The following EYS variants were observed in gnomAD, a reference collection of about 807,000 sequenced individuals.
EYS encodes protein eyes shut homolog.
Under a neutral mutation model 282.1 loss-of-function variants are expected in EYS, and 250 were observed. That is an observed-to-expected ratio of 0.89 (90% CI 0.80 to 0.98). The LOEUF is 0.98. EYS is among the 50% of genes least tolerant of loss of function. The pLI is 0.00. For synonymous variants in EYS, 1,355 were observed against 1,282.9 expected (o/e 1.06, Z -1.20); for missense variants, 4,016 against 3,709.0 (o/e 1.08, Z -2.15).
chr6:65,202,639 T>C (rs948314401), intron 12 of EYS, among the ~76,000 whole-genome samples: 14 of 152,160 alleles, frequency 9.2e-5, no homozygotes, highest in African/African-American at 3.1e-4. Flanking sequence ...ATGAGGAAGC[T>C]GGGTACCCCT....
chr6:64,466,431 G>A (rs935869541), intron 26 of EYS, among the ~76,000 whole-genome samples: 1 of 152,116 alleles, frequency 6.6e-6, no homozygotes, highest in African/African-American at 2.4e-5. Flanking sequence ...AAAAAAGGAA[G>A]AACCCCTGTC....
intron 33 of EYS, among the ~76,000 whole-genome samples, chr6:64,045,938 A>T (rs2149840570): frequency 6.8e-6 from 1 of 147,610 alleles, no homozygotes; most frequent in South Asian, 2.1e-4. Flanking sequence ...TATAATACAT[A>T]TATGTGTGTA....
At chr6:63,783,085 C>T (rs319922) in intron 39 of EYS, among the ~76,000 whole-genome samples, 189 of 151,756 alleles carry the variant, frequency 1.2e-3, no homozygotes, top group Middle Eastern at 0.01. Context: ...CACAAGAAAC[C>T]GAAAGTACTG....
chr6:64,622,885 T>C (rs1767493398), intron 23 of EYS, among the ~76,000 whole-genome samples: 3 of 152,286 alleles, frequency 2.0e-5, no homozygotes, highest in South Asian at 2.1e-4. Context: ...GAAGTGGACA[T>C]GTGTAAATGA....
At chr6:65,643,498 C>T (rs1055712165) in intron 1 of EYS, among the ~76,000 whole-genome samples, 1 of 152,166 alleles carries the variant, frequency 6.6e-6, no homozygotes, top group Non-Finnish European at 1.5e-5. Flanking sequence ...GCTCTATGGC[C>T]TTGTCCACTG....
chr6:65,573,801 G>A (rs970605820), intron 2 of EYS, among the ~76,000 whole-genome samples: 1 of 116,666 alleles, frequency 8.6e-6, no homozygotes, highest in Admixed American at 8.6e-5. Flanking sequence ...CTCTAAACCT[G>A]CACACACCTG....
intron 12 of EYS, among the ~76,000 whole-genome samples, chr6:65,291,199 A>G (rs957945762): frequency 4.0e-5 from 6 of 151,680 alleles, no homozygotes; most frequent in Middle Eastern, 3.4e-3. Flanking sequence ...CATTGTAAGC[A>G]CTCAATCTTT....
In EYS at chr6:64,436,199, C is replaced by G; in HGVS notation, c.5902G>C (p.Gly1968Arg). ...CTGATAAGCAGTGTATACTTTTGCC[C>G]GTTGTCCACTCTAACAGTAGTATTA... ...SINTTVRVDNGQKYTLLIRQE... is the reference protein window; with the variant it reads ...SINTTVRVDNRQKYTLLIRQE... Residue 1968 changes from glycine to arginine, a missense_variant, in exon 28 of 43, where the codon GGG becomes CGG. By Grantham distance (125) the Gly-to-Arg change is moderately radical. Coordinates refer to ENST00000503581, the MANE Select transcript of EYS (RefSeq NM_001142800.2). The G allele has an allele frequency of 1.3e-6, 2 of 1,541,502 alleles. No individual in the cohort carries two copies. The highest frequency in any genetic ancestry group is 1.8e-6 in the Non-Finnish European group (2 of 1,140,522).
chr6:65,517,274 A>AT (rs1221423738), intron 2 of EYS, among the ~76,000 whole-genome samples: 1 of 151,432 alleles, frequency 6.6e-6, no homozygotes, highest in Non-Finnish European at 1.5e-5. Context: ...TTTCTGTCCC[A>AT]TTTTTTAAAT....
chr6:64,228,843 A>G (rs1165527523), intron 31 of EYS, among the ~76,000 whole-genome samples: 1 of 152,148 alleles, frequency 6.6e-6, no homozygotes, highest in Admixed American at 6.6e-5. Context: ...CAGTTACTCT[A>G]TGAAGTGTTA....
intron 12 of EYS, among the ~76,000 whole-genome samples, chr6:65,162,217 C>A (rs1441872177): frequency 1.3e-5 from 2 of 151,182 alleles, no homozygotes; most frequent in Non-Finnish European, 3.0e-5. Context: ...GGAGATAACA[C>A]CAGTTCTGTC....
chr6:64,736,945 C>T (rs1772204320), intron 22 of EYS, among the ~76,000 whole-genome samples: 1 of 152,040 alleles, frequency 6.6e-6, no homozygotes, highest in African/African-American at 2.4e-5. Context: ...CAGAAGAATA[C>T]AATTTATCAT....
At chr6:65,080,163 C>T (rs746045428) in intron 12 of EYS, among the ~76,000 whole-genome samples, 5 of 152,040 alleles carry the variant, frequency 3.3e-5, no homozygotes, top group Non-Finnish European at 4.4e-5. Flanking sequence ...AACATCACTA[C>T]ATTCATCATT....
intron 31 of EYS, among the ~76,000 whole-genome samples, chr6:64,086,853 G>A (rs1014828900): frequency 6.6e-5 from 10 of 152,148 alleles, no homozygotes; most frequent in African/African-American, 2.4e-4. Flanking sequence ...AGTTAAGGAG[G>A]TGAGTTTCCT....
In EYS at chr6:65,344,052, C is replaced by CA. The variant is rs1770299906; in HGVS notation, c.1584dup (p.Glu529Ter). ...AATTACCTTACCTCTTTTGTGCCTTCATGTGGGAACCAACATGAAGAATTA... is the reference window on the plus strand; with the variant it reads ...AATTACCTTACCTCTTTTGTGCCTTCAATGTGGGAACCAACATGAAGAATTA... On this transcript the variant is annotated frameshift_variant, in exon 10 of 43. Coordinates refer to ENST00000503581, the MANE Select transcript of EYS (RefSeq NM_001142800.2). LOFTEE classifies it high-confidence loss of function. The CA allele has an allele frequency of 1.2e-6, 2 of 1,610,540 alleles. No homozygotes were observed. The highest frequency in any genetic ancestry group is 1.7e-6 in the Non-Finnish European group (2 of 1,177,892).
At chr6:63,773,182 T>A (rs574127947) in intron 40 of EYS, among the ~76,000 whole-genome samples, 1 of 152,324 alleles carries the variant, frequency 6.6e-6, no homozygotes, top group Admixed American at 6.5e-5. Flanking sequence ...CATAATAGTG[T>A]CTGATTCTCT....
chr6:64,855,206 T>C (rs554676993), intron 19 of EYS, among the ~76,000 whole-genome samples: 1 of 152,194 alleles, frequency 6.6e-6, no homozygotes, highest in South Asian at 2.1e-4. Context: ...CTCATCCTGA[T>C]TGAGGTTCTC....
At chr6:64,946,568 A>G (rs1027640802) in intron 14 of EYS, among the ~76,000 whole-genome samples, 2 of 151,936 alleles carry the variant, frequency 1.3e-5, no homozygotes, top group African/African-American at 4.8e-5. Context: ...TGAAGAATAG[A>G]GCTCTTGTCA....
At chr6:64,861,592 G>T (rs567357643) in intron 19 of EYS, among the ~76,000 whole-genome samples, 283 of 152,230 alleles carry the variant, frequency 1.9e-3, no homozygotes, top group Non-Finnish European at 2.8e-3. Flanking sequence ...GGAAGGCAAG[G>T]CTTCCACCCT....
Sources: gnomAD v4.1 joint callset for allele counts (sites outside exome capture counted in the v4.1 genomes callset) on GRCh38, gnomAD v4.1.1 for gene constraint, MANE v1.5 for transcripts, NCBI Gene and HGNC (gene_info 2026-07-23, HGNC 2026-07-21) for gene names.